The following TEX9 variants were observed in gnomAD, a reference collection of about 807,000 sequenced individuals.
The protein encoded by TEX9 is testis-expressed protein 9.
Under a neutral mutation model 59.6 loss-of-function variants are expected in TEX9, and 74 were observed. The observed-to-expected ratio is 1.24, with a 90% CI of 1.03 to 1.51. The LOEUF is 1.51. TEX9 is among the 40% of genes most tolerant of loss of function. TEX9 has a pLI of 0.00. For missense variants in TEX9, 522 were observed against 447.8 expected, an observed-to-expected ratio of 1.17 and a Z score of -1.49; for synonymous variants, 186 against 152.2, an observed-to-expected ratio of 1.22 and a Z score of -1.64.
intron 1 of TEX9, among the ~76,000 whole-genome samples, chr15:56,260,805 G>T (rs934721588): frequency 2.6e-5 from 4 of 151,896 alleles, no homozygotes; most frequent in African/African-American, 4.8e-5. Context: ...CCTGAAAGAG[G>T]TTATGTAGGA....
chr15:56,269,675 C>T lies in TEX9; in HGVS notation c.-107+25397C>T, dbSNP rs564389486. 6.6e-5 allele frequency among the ~76,000 whole-genome samples: 9 copies of T among 135,690 alleles called. No individual in the cohort carries two copies. The East Asian group carries it at 8.8e-4, about 13-fold the overall frequency. 89.0% of individuals were successfully genotyped at this position (135,690 alleles called of 152,430 possible). A position where few individuals can be genotyped will look rare whatever the true frequency, so the allele number is the denominator to read the frequency against. On this transcript the variant is annotated intron_variant, in intron 1 of 5. Transcript: ENST00000560827. ...TTTCTTTTTTTTTTTTTTTTTGAGA[C>T]GGAGTCTCGCTCTGTCTCCCAGGCT...
rs547611166 is a variant in TEX9, at chr15:56,422,360, ACT to A, written c.964-5242_964-5241del. Among the ~76,000 whole-genome samples, 417 of 151,690 alleles carry A rather than the reference ACT, an allele frequency of 2.7e-3. 12 individuals carry two copies. Among genetic ancestry groups the A allele is most frequent in the African/African-American group, 9.6e-3 (397 of 41,140 alleles). On this transcript the variant is annotated intron_variant, in intron 10 of 12. Coordinates refer to ENST00000352903, the Ensembl canonical transcript of TEX9. ...ATGATTAATAATATGGTTGGGATTA[ACT>A]CTATTAGCTAGCTGTTGTTTTAGTT... is the stretch of plus-strand genomic sequence containing the variant.
At chr15:56,365,092 G>A (rs1166015000), upstream of TEX9, among the ~76,000 whole-genome samples, 1 of 152,186 alleles carries the variant, frequency 6.6e-6, no homozygotes, top group Admixed American at 6.5e-5. Flanking sequence ...CGGGGTGAAG[G>A]TCGGATTAGC....
At chr15:56,311,180 ATGTGCACAT>A (rs2045604437) in intron 1 of TEX9, among the ~76,000 whole-genome samples, 1 of 142,430 alleles carries the variant, frequency 7.0e-6, no homozygotes, top group Admixed American at 7.0e-5. Context: ...TTTAGGGTAC[ATGTGCACAT>A]TGTGCAGGTT....
At chr15:56,363,224 G>A (rs1415903329), upstream of TEX9, among the ~76,000 whole-genome samples, 1 of 151,470 alleles carries the variant, frequency 6.6e-6, no homozygotes, top group African/African-American at 2.4e-5. Flanking sequence ...AGTTTATGAG[G>A]GTTCAAGTTT....
At chr15:56,271,926 G>A (rs111545293) in intron 1 of TEX9, among the ~76,000 whole-genome samples, 5,428 of 152,130 alleles carry the variant, frequency 0.036, 350 homozygotes, top group African/African-American at 0.12. Flanking sequence ...AGATCACGAG[G>A]TCAGGAGATC....
At chr15:56,357,309 C>T (rs1209506517) in intron 1 of TEX9, among the ~76,000 whole-genome samples, 1 of 152,118 alleles carries the variant, frequency 6.6e-6, no homozygotes, top group Non-Finnish European at 1.5e-5. Flanking sequence ...TATTAAAACA[C>T]CTACTTTAAT....
Position 56,268,685 on chromosome 15 carries a change from T to A in TEX9, c.-107+24407T>A, listed in dbSNP as rs1473438833. ...TCCCAGGGATGAAGCCAACTTGATC[T>A]CGGTGGATAAGCTTTTTGATGTGCT... On this transcript the variant is annotated intron_variant, in intron 1 of 5. Transcript: ENST00000560827. 2.6e-5 allele frequency among the ~76,000 whole-genome samples: 4 copies of A among 152,094 alleles called. No individual in the cohort carries two copies. The East Asian group carries it at 7.7e-4, about 29-fold the overall frequency.
chr15:56,310,993 C>G (rs188474296), intron 1 of TEX9, among the ~76,000 whole-genome samples: 298 of 152,236 alleles, frequency 2.0e-3, no homozygotes, highest in African/African-American at 6.8e-3. Flanking sequence ...GACGAACACC[C>G]TCTCAACACC....
At chr15:56,351,517 G>T (rs1451305260) in intron 1 of TEX9, among the ~76,000 whole-genome samples, 1 of 152,162 alleles carries the variant, frequency 6.6e-6, no homozygotes, top group Non-Finnish European at 1.5e-5. Context: ...CCAAGAGCTC[G>T]AGTGCAGCCA....
chr15:56,289,635 G>C (rs2045040705), intron 1 of TEX9, among the ~76,000 whole-genome samples: 1 of 152,206 alleles, frequency 6.6e-6, no homozygotes, highest in Non-Finnish European at 1.5e-5. Context: ...TCTCATAGGG[G>C]AAGTTGTGGC....
intron 12 of TEX9, chr15:56,443,879 T>C (rs1442487023): frequency 6.7e-7 from 1 of 1,484,742 alleles, no homozygotes; most frequent in African/African-American, 1.4e-5. Context: ...CAAGTACAGA[T>C]TTATAGTAAA....
intron 1 of TEX9, among the ~76,000 whole-genome samples, chr15:56,317,078 A>G (rs1166381007): frequency 6.6e-6 from 1 of 152,150 alleles, no homozygotes; most frequent in South Asian, 2.1e-4. Context: ...TGAACCCGGT[A>G]CCTCAGATGG....
At chr15:56,344,620 G>T (rs2046432592) in intron 1 of TEX9, among the ~76,000 whole-genome samples, 1 of 152,016 alleles carries the variant, frequency 6.6e-6, no homozygotes, top group African/African-American at 2.4e-5. Context: ...AAAAACCACA[G>T]AATTGTTCAC....
chr15:56,456,652 A>G, the TEX9 span: 1 of 930,686 alleles, frequency 1.1e-6, no homozygotes, highest in Non-Finnish European at 1.6e-6. Flanking sequence ...TTTAAAATAC[A>G]AAATGTTGTT....
chr15:56,383,905 T>G, intron 3 of TEX9, 47 bp from the exon 4 acceptor site: 1 of 1,398,152 alleles, frequency 7.2e-7, no homozygotes, highest in Non-Finnish European at 1.0e-6. Context: ...TCTTAATGGT[T>G]TGGTTTTTTT....
chr15:56,449,061 A>G (rs2050929044), downstream of TEX9, among the ~76,000 whole-genome samples: 1 of 152,126 alleles, frequency 6.6e-6, no homozygotes, highest in African/African-American at 2.4e-5. Context: ...GGCTATTTGT[A>G]GATGCTTTTG....
chr15:56,396,238 C>G (rs1217137429), intron 9 of TEX9: 3 of 152,108 alleles, frequency 2.0e-5, no homozygotes, highest in Non-Finnish European at 2.9e-5. Flanking sequence ...AAAAACCCTG[C>G]TTTTTAAACA....
At chr15:56,308,860 G>C (rs2045541137) in intron 1 of TEX9, among the ~76,000 whole-genome samples, 1 of 152,146 alleles carries the variant, frequency 6.6e-6, no homozygotes, top group South Asian at 2.1e-4. Context: ...TTGACCATAA[G>C]TAGAAGGACT....
Sources: gnomAD v4.1 joint callset for allele counts (sites outside exome capture counted in the v4.1 genomes callset) on GRCh38, gnomAD v4.1.1 for gene constraint, MANE v1.5 for transcripts, NCBI Gene and HGNC (gene_info 2026-07-23, HGNC 2026-07-21) for gene names.